GFPT1: variants seen among roughly 807,000 people sequenced by gnomAD.
GFPT1 encodes glutamine--fructose-6-phosphate transaminase 1.
In GFPT1, 40 loss-of-function variants were observed where a neutral mutation model predicts 92.0. The observed-to-expected ratio is 0.43, with a 90% CI of 0.34 to 0.57. The LOEUF (loss-of-function observed/expected upper bound fraction) is 0.57, where lower values mean the gene tolerates loss of function less well. Ranked by LOEUF, GFPT1 falls within the 20% of genes least tolerant of loss-of-function variation. The pLI, the probability that GFPT1 is intolerant of heterozygous loss-of-function variation, is 0.02. For synonymous variants in GFPT1, 269 were observed against 280.6 expected, an observed-to-expected ratio of 0.96 and a Z score of 0.41; for missense variants, 448 against 869.1, an observed-to-expected ratio of 0.52 and a Z score of 6.09.
intron 4 of GFPT1, 103 bp downstream of exon 4, chr2:69,363,442 C>A: frequency 4.9e-6 from 6 of 1,226,468 alleles, no homozygotes; most frequent in Non-Finnish European, 7.1e-6. Flanking sequence ...TTGAAATTTT[C>A]CAGATGAAAA....
intron 1 of GFPT1, among the ~76,000 whole-genome samples, chr2:69,374,765 G>A (rs1434430411): frequency 1.3e-5 from 2 of 152,026 alleles, no homozygotes; most frequent in Admixed American, 1.3e-4. Context: ...AGTAATTTAA[G>A]CAACATATAT....
intron 1 of GFPT1, among the ~76,000 whole-genome samples, chr2:69,386,356 G>A (rs1012100849): frequency 6.6e-6 from 1 of 152,214 alleles, no homozygotes; most frequent in Non-Finnish European, 1.5e-5. Flanking sequence ...GTATTCTAAA[G>A]GGGTATACAT....
intron 4 of GFPT1, 58 bp downstream of exon 4, chr2:69,363,487 T>C (rs1420903550): frequency 1.3e-6 from 2 of 1,526,968 alleles, no homozygotes; most frequent in South Asian, 1.1e-5. Context: ...AAGCCTTCAT[T>C]CTGCCCCCAT....
At chr2:69,372,113 T>C (rs959109893) in intron 2 of GFPT1, among the ~76,000 whole-genome samples, 1 of 149,874 alleles carries the variant, frequency 6.7e-6, no homozygotes, top group Non-Finnish European at 1.5e-5. Flanking sequence ...GGCAGGAGAA[T>C]TGCTTGAACT....
Position 69,387,214 on chromosome 2 carries a change from C to G in GFPT1, c.-143G>C, listed in dbSNP as rs886056264. ...TCCCTCGGGGATGCGACGGCCAAGGCAACGACAGCCTTCTCCGCCTCCCGG... is the reference window on the plus strand; with the variant it reads ...TCCCTCGGGGATGCGACGGCCAAGGGAACGACAGCCTTCTCCGCCTCCCGG... On this transcript the variant is annotated 5_prime_UTR_variant, in exon 1 of 20. Transcript: ENST00000357308. The G allele has an allele frequency of 2.3e-6, 2 of 874,890 alleles. No homozygotes were observed. The highest frequency in any genetic ancestry group is 1.6e-6 in the Non-Finnish European group (1 of 606,160). 54.2% of individuals were successfully genotyped at this position (874,890 alleles called of 1,614,324 possible).
At position 69,383,733 on chromosome 2, in the gene GFPT1, C is replaced by T. The variant is rs190213681; in HGVS notation, c.7+3332G>A. On this transcript the variant is annotated intron_variant, in intron 1 of 19. Transcript: ENST00000357308. ...CTCCACCTCCTGGGTTCAAGAGATT[C>T]TCCTGCCTCGGGCTTCCGAGTAACT... Among the ~76,000 whole-genome samples, 1,476 of 152,310 alleles carry T rather than the reference C, an allele frequency of 9.7e-3. 83 individuals are homozygous for T. Among genetic ancestry groups the T allele is most frequent in the Admixed American group, 0.085 (1,304 of 15,296 alleles).
At chr2:69,359,453 T>A in intron 4 of GFPT1, 127 bp from the exon 5 acceptor site, 1 of 627,666 alleles carries the variant, frequency 1.6e-6, no homozygotes, top group Non-Finnish European at 2.9e-6. Context: ...TTATGTTATT[T>A]ATAACATAAT....
rs747122040 is a variant in GFPT1, at chr2:69,354,586, A to T, written c.606-18T>A. 2 of 1,505,502 alleles carry T rather than the reference A, an allele frequency of 1.3e-6. No homozygotes were observed. The highest frequency in any genetic ancestry group is 2.3e-5 in the South Asian group (2 of 88,850). The allele number at this position is 1,505,502 out of a possible 1,614,324, so 93.3% of individuals were successfully genotyped here. ...TACCTCGCCTGTAAATTGCAAAAGC[A>T]GTTAGAATTAAACCATTTTTATAAA... On this transcript the variant is annotated intron_variant, in intron 7 of 19. Transcript: ENST00000357308.
At chr2:69,342,393 C>A in intron 12 of GFPT1, 144 bp from the exon 13 acceptor site, 1 of 654,006 alleles carries the variant, frequency 1.5e-6, no homozygotes, top group South Asian at 1.8e-5. Flanking sequence ...GCACAGTTCT[C>A]TGTAATTTTG....
intron 6 of GFPT1, among the ~76,000 whole-genome samples, chr2:69,357,829 GT>G (rs1671377756): frequency 6.6e-6 from 1 of 152,128 alleles, no homozygotes; most frequent in Non-Finnish European, 1.5e-5. Flanking sequence ...TTCTATAGAA[GT>G]TCAGAGCCAA....
intron 1 of GFPT1, among the ~76,000 whole-genome samples, chr2:69,382,444 C>CAT (rs1390222364): frequency 6.6e-6 from 1 of 152,192 alleles, no homozygotes; most frequent in Non-Finnish European, 1.5e-5. Context: ...TCTTCTTTTT[C>CAT]ATATTACTTG....
At chr2:69,364,052 T>C (rs574307603) in intron 3 of GFPT1, among the ~76,000 whole-genome samples, 1 of 151,184 alleles carries the variant, frequency 6.6e-6, no homozygotes, top group Non-Finnish European at 1.5e-5. Flanking sequence ...GAGGCAGAGG[T>C]TGCAGTGAGC....
At position 69,329,673 on chromosome 2, in the gene GFPT1, T is replaced by G. The variant is rs778286888; in HGVS notation, c.1597+11A>C. 7.8e-6 allele frequency: 12 copies of G among 1,547,930 alleles called. No individual in the cohort carries two copies. In the South Asian group the frequency reaches 1.3e-4, roughly 17 times the overall value. ...AGACAACAAAAGTGTAATATATGAG[T>G]GTCTTTGTACCAGGCAGCCGTTTCA... is the stretch of plus-strand genomic sequence containing the variant. On this transcript the variant is annotated intron_variant, in intron 16 of 19. Coordinates refer to ENST00000357308, the MANE Select transcript of GFPT1 (RefSeq NM_001244710.2).
Position 69,370,051 on chromosome 2 carries a change from T to C in GFPT1, c.173A>G (p.Gln58Arg). 6.2e-7 allele frequency: 1 copy of C among 1,610,506 alleles called. No individual in the cohort carries two copies. The change falls in exon 3 of 20, where the codon CAG becomes CGG. Residue 58 changes from glutamine to arginine, a missense_variant. Physicochemically the swap from Gln to Arg is conservative, Grantham distance 43. Coordinates refer to ENST00000357308, the MANE Select transcript of GFPT1 (RefSeq NM_001244710.2). ...AACTTTTCCTTTCTTCTTAATAAGC[T>C]GGATTTTGCAGGCATTGGCTTCCCA... ...KDWEANACKIQLIKKKGKVKA... is the reference protein window; with the variant it reads ...KDWEANACKIRLIKKKGKVKA...
rs534208075 is a variant in GFPT1, at chr2:69,322,784, T to C, written c.*3405A>G. On this transcript the variant is annotated 3_prime_UTR_variant, in exon 20 of 20. Transcript: ENST00000357308. ...GTTGTTAACAGATTTATGGGTCATTTGTAGCTTACTTTGCAAATACCTTTC... is the reference window on the plus strand; with the variant it reads ...GTTGTTAACAGATTTATGGGTCATTCGTAGCTTACTTTGCAAATACCTTTC... 1.3e-5 allele frequency: 2 copies of C among 152,372 alleles called. No individual in the cohort carries two copies. Among genetic ancestry groups the C allele is most frequent in the South Asian group, 4.1e-4 (2 of 4,832 alleles). 9.4% of individuals were successfully genotyped at this position (152,372 alleles called of 1,614,324 possible).
At chr2:69,326,787 A>G (rs998913547) in intron 19 of GFPT1, 127 bp downstream of exon 19, 2 of 923,600 alleles carry the variant, frequency 2.2e-6, no homozygotes, top group African/African-American at 3.3e-5. Context: ...CCATGAAAAT[A>G]TAACAGGTGA....
intron 3 of GFPT1, among the ~76,000 whole-genome samples, chr2:69,367,513 G>A (rs1457873046): frequency 2.6e-5 from 4 of 151,948 alleles, no homozygotes; most frequent in East Asian, 1.9e-4. Context: ...GGTGCACGCC[G>A]CCACACCCGG....
At chr2:69,355,789 G>C (rs1574067670) in intron 7 of GFPT1, among the ~76,000 whole-genome samples, 1 of 152,064 alleles carries the variant, frequency 6.6e-6, no homozygotes, top group East Asian at 1.9e-4. Flanking sequence ...TCATGATCAG[G>C]CCTAAATATC....
intron 6 of GFPT1, among the ~76,000 whole-genome samples, 199 bp downstream of exon 6, chr2:69,358,130 T>A (rs1043668075): frequency 2.6e-5 from 4 of 152,048 alleles, no homozygotes; most frequent in African/African-American, 9.7e-5. Flanking sequence ...CTGAATGAAG[T>A]AAGTAGAATT....
Sources: gnomAD v4.1 joint callset for allele counts (sites outside exome capture counted in the v4.1 genomes callset) on GRCh38, gnomAD v4.1.1 for gene constraint, MANE v1.5 for transcripts, NCBI Gene and HGNC (gene_info 2026-07-23, HGNC 2026-07-21) for gene names.